CTIF: variants seen among roughly 807,000 people sequenced by gnomAD.
The protein encoded by CTIF is cap binding complex dependent translation initiation factor.
Under a neutral mutation model 66.0 loss-of-function variants are expected in CTIF, and 21 were observed. The observed-to-expected ratio is 0.32, with a 90% confidence interval of 0.23 to 0.46. The LOEUF is 0.46. Ranked by LOEUF, CTIF falls within the 20% of genes least tolerant of loss-of-function variation. The pLI is 1.00. For synonymous variants in CTIF, 345 were observed against 326.4 expected (o/e 1.06, Z -0.62); for missense variants, 739 against 812.7 (o/e 0.91, Z 1.10).
chr18:48,710,980 A>C (rs1011416554), intron 6 of CTIF, among the ~76,000 whole-genome samples: 1 of 152,140 alleles, frequency 6.6e-6, no homozygotes, highest in Non-Finnish European at 1.5e-5. Context: ...TCAAATAATA[A>C]TAATAATGAT....
At chr18:48,709,705 G>A (rs1001222241) in intron 6 of CTIF, among the ~76,000 whole-genome samples, 7 of 152,246 alleles carry the variant, frequency 4.6e-5, no homozygotes, top group Non-Finnish European at 8.8e-5. Context: ...CAGGGTGGGA[G>A]AGGGGAAACG....
intron 6 of CTIF, among the ~76,000 whole-genome samples, chr18:48,693,294 T>G (rs1472317770): frequency 1.3e-5 from 2 of 152,192 alleles, no homozygotes; most frequent in African/African-American, 4.8e-5. Flanking sequence ...ATTCTACCTC[T>G]CTGGCCTGCT....
intron 1 of CTIF, among the ~76,000 whole-genome samples, chr18:48,549,682 G>A (rs772149264): frequency 6.6e-6 from 1 of 152,196 alleles, no homozygotes; most frequent in Non-Finnish European, 1.5e-5. Flanking sequence ...TTGTCAGGAA[G>A]GGAAGCCTTT....
At chr18:48,714,318 T>G (rs989396051) in intron 7 of CTIF, among the ~76,000 whole-genome samples, 6 of 152,156 alleles carry the variant, frequency 3.9e-5, no homozygotes, top group African/African-American at 1.4e-4. Flanking sequence ...AAGGGAGAAG[T>G]GACCAGAATC....
At chr18:48,579,122 G>A (rs1288368962) in intron 1 of CTIF, among the ~76,000 whole-genome samples, 2 of 151,906 alleles carry the variant, frequency 1.3e-5, no homozygotes, top group East Asian at 3.9e-4. Context: ...TATACTCATA[G>A]CTTATTATTA....
In CTIF at chr18:48,575,088, T is replaced by C. The variant is rs548070373; in HGVS notation, c.-29+35776T>C. ...GGAGCCCCGCCTCTGCCAGGACTCC[T>C]GGGGGCAGGGTCCAGGGTGCAGGGG... On this transcript the variant is annotated intron_variant, in intron 1 of 11. Coordinates refer to ENST00000256413, the MANE Select transcript of CTIF (RefSeq NM_014772.3). Among the ~76,000 whole-genome samples, 11 of 152,326 alleles carry C rather than the reference T, an allele frequency of 7.2e-5. No individual in the cohort carries two copies. In the East Asian group the frequency reaches 9.6e-4, roughly 13 times the overall value.
chr18:48,800,278 A>G (rs1018511273), intron 9 of CTIF, among the ~76,000 whole-genome samples: 1 of 152,218 alleles, frequency 6.6e-6, no homozygotes, highest in African/African-American at 2.4e-5. Flanking sequence ...CTGCTGTTTT[A>G]TACCTGGCAG....
chr18:48,806,392 A>G (rs2068147779), intron 9 of CTIF, among the ~76,000 whole-genome samples: 1 of 152,044 alleles, frequency 6.6e-6, no homozygotes, highest in Admixed American at 6.5e-5. Flanking sequence ...GCAGTAAATA[A>G]AAGTGCACTT....
chr18:48,683,483 G>C (rs1417486367), intron 6 of CTIF, among the ~76,000 whole-genome samples: 1 of 151,322 alleles, frequency 6.6e-6, no homozygotes, highest in Non-Finnish European at 1.5e-5. Flanking sequence ...AGGAGTGCTG[G>C]CCTTGCCCTC....
chr18:48,603,907 G>C (rs1390318954), intron 1 of CTIF, among the ~76,000 whole-genome samples: 1 of 150,342 alleles, frequency 6.7e-6, no homozygotes, highest in African/African-American at 2.5e-5. Flanking sequence ...GGAGAGCAGA[G>C]GCGCAATCTT....
chr18:48,655,297 T>TAAAA (rs35564462), intron 3 of CTIF, among the ~76,000 whole-genome samples: 4 of 106,234 alleles, frequency 3.8e-5, no homozygotes, highest in African/African-American at 1.4e-4. Context: ...AGAGCAAGAC[T>TAAAA]AAAAAAAAAA....
At chr18:48,559,356 A>C (rs1196229300) in intron 1 of CTIF, among the ~76,000 whole-genome samples, 4 of 150,226 alleles carry the variant, frequency 2.7e-5, no homozygotes, top group East Asian at 1.9e-4. Flanking sequence ...TAGTCCTACC[A>C]CCCCCCCCAA....
At chr18:48,662,116 T>G (rs1468539852) in intron 3 of CTIF, 1 of 152,282 alleles carries the variant, frequency 6.6e-6, no homozygotes, top group Non-Finnish European at 1.5e-5. Flanking sequence ...GACTGCAGTT[T>G]GGGAGGCCAG....
chr18:48,662,262 G>A (rs1157666242), intron 3 of CTIF: 1 of 152,504 alleles, frequency 6.6e-6, no homozygotes, highest in Non-Finnish European at 1.5e-5. Flanking sequence ...GGCATGGGGA[G>A]AAGCACCCAG....
intron 9 of CTIF, among the ~76,000 whole-genome samples, chr18:48,813,213 A>C (rs767962443): frequency 9.2e-5 from 14 of 152,002 alleles, no homozygotes; most frequent in Non-Finnish European, 1.9e-4. Context: ...CTCACACTTC[A>C]TTTCAGCCTG....
At chr18:48,660,957 A>G (rs1258802386) in intron 3 of CTIF, among the ~76,000 whole-genome samples, 3 of 152,176 alleles carry the variant, frequency 2.0e-5, no homozygotes, top group Non-Finnish European at 2.9e-5. Context: ...CGGGCCTCGG[A>G]TCCTAGGACG....
chr18:48,847,181 G>A (rs888463257), intron 10 of CTIF, among the ~76,000 whole-genome samples: 1 of 151,798 alleles, frequency 6.6e-6, no homozygotes, highest in Non-Finnish European at 1.5e-5. Context: ...GGTGGTGCGT[G>A]CCTGTAGTCC....
intron 10 of CTIF, among the ~76,000 whole-genome samples, chr18:48,837,406 C>T (rs2068836762): frequency 1.3e-5 from 2 of 151,836 alleles, no homozygotes; most frequent in Non-Finnish European, 2.9e-5. Context: ...GGTTCAAATT[C>T]TCAGTGCTGC....
chr18:48,549,161 G>T (rs971476235), intron 1 of CTIF, among the ~76,000 whole-genome samples: 3 of 152,200 alleles, frequency 2.0e-5, no homozygotes, highest in Non-Finnish European at 4.4e-5. Context: ...TGCACATAGG[G>T]GTGATGGGGG....
Sources: gnomAD v4.1 joint callset for allele counts (sites outside exome capture counted in the v4.1 genomes callset) on GRCh38, gnomAD v4.1.1 for gene constraint, MANE v1.5 for transcripts, NCBI Gene and HGNC (gene_info 2026-07-23, HGNC 2026-07-21) for gene names.